Variants in CALN1 observed in about 807,000 individuals in gnomAD.
CALN1 encodes calneuron 1.
In CALN1, 17 loss-of-function variants were observed where a neutral mutation model predicts 30.6. The observed-to-expected ratio is 0.56, with a 90% CI of 0.38 to 0.83. The LOEUF (loss-of-function observed/expected upper bound fraction) is 0.83, where lower values mean the gene tolerates loss of function less well. Among genes scored for constraint, CALN1 ranks in the 40% least tolerant of loss-of-function variants. The probability of loss-of-function intolerance (pLI) is 0.00; values close to 1 mark genes in which losing one functional copy is unlikely to be tolerated. For missense variants in CALN1, 291 were observed against 354.9 expected (o/e 0.82, Z 1.45); for synonymous variants, 156 against 131.4 (o/e 1.19, Z -1.28).
intron 4 of CALN1, among the ~76,000 whole-genome samples, chr7:72,092,304 A>G (rs982628278): frequency 2.0e-5 from 3 of 152,106 alleles, no homozygotes; most frequent in African/African-American, 4.8e-5. Flanking sequence ...GAATGTGCCT[A>G]TATTACTTGT....
chr7:71,860,555 C>T (rs943024432), intron 5 of CALN1, among the ~76,000 whole-genome samples: 1 of 152,120 alleles, frequency 6.6e-6, no homozygotes, highest in Non-Finnish European at 1.5e-5. Flanking sequence ...TATGGACTTG[C>T]CCTGAATTCT....
intron 2 of CALN1, among the ~76,000 whole-genome samples, chr7:72,307,046 G>A (rs544167223): frequency 7.2e-4 from 109 of 152,338 alleles, no homozygotes; most frequent in African/African-American, 2.5e-3. Context: ...CAGCAAATAT[G>A]ATTGAAGACA....
rs552830401 is a variant in CALN1, at chr7:72,408,839, G to C, written c.-74+3219C>G. On this transcript the variant is annotated intron_variant, in intron 1 of 6. Transcript: ENST00000395275. ...ACTACAGGCGGGCACCATCACTCCT[G>C]GCTAATTTTTGTATTTTTTGTAGAG... is the stretch of plus-strand genomic sequence containing the variant. 9.0e-4 allele frequency among the ~76,000 whole-genome samples: 136 copies of C among 151,702 alleles called. 2 individuals carry two copies. The highest frequency in any genetic ancestry group is 6.7e-3 in the South Asian group (32 of 4,780).
chr7:72,204,498 A>G (rs1052211289), intron 3 of CALN1, among the ~76,000 whole-genome samples: 1 of 152,206 alleles, frequency 6.6e-6, no homozygotes, highest in Admixed American at 6.5e-5. Flanking sequence ...TTAACATTAT[A>G]AAAACTATAC....
At chr7:72,397,289 A>C (rs1043614094) in intron 2 of CALN1, among the ~76,000 whole-genome samples, 3 of 152,188 alleles carry the variant, frequency 2.0e-5, no homozygotes, top group Non-Finnish European at 2.9e-5. Context: ...GGAGGATGCC[A>C]GAGAGAGGCA....
chr7:71,945,626 C>T (rs10266751), intron 5 of CALN1, among the ~76,000 whole-genome samples: 7 of 151,640 alleles, frequency 4.6e-5, no homozygotes, highest in Non-Finnish European at 7.4e-5. Context: ...AAACTGCACA[C>T]GCGAGGGATC....
At chr7:72,191,438 G>A (rs1168270000) in intron 3 of CALN1, among the ~76,000 whole-genome samples, 1 of 147,986 alleles carries the variant, frequency 6.8e-6, no homozygotes, top group East Asian at 2.1e-4. Flanking sequence ...CCCGTCTGTA[G>A]TAAAAATACA....
At chr7:71,874,447 C>T (rs1185985400) in intron 5 of CALN1, among the ~76,000 whole-genome samples, 1 of 152,076 alleles carries the variant, frequency 6.6e-6, no homozygotes. Context: ...AGGTCATTTG[C>T]AGCAAAAGCA....
chr7:71,927,098 A>G (rs1007150070), intron 5 of CALN1, among the ~76,000 whole-genome samples: 11 of 152,234 alleles, frequency 7.2e-5, no homozygotes, highest in Non-Finnish European at 1.3e-4. Flanking sequence ...AGAATAAAGT[A>G]AACAGTACTT....
intron 2 of CALN1, among the ~76,000 whole-genome samples, chr7:72,367,478 T>C (rs764100121): frequency 4.6e-5 from 7 of 151,686 alleles, no homozygotes; most frequent in Non-Finnish European, 1.0e-4. Context: ...AATTGAAAAA[T>C]TAACGGTGTG....
rs190965283 is a variant in CALN1 at position 71,878,415 on chromosome 7, A to T, written c.502-67923T>A. ...AGACCCTGTCTCAAAAAAAAAAAAA[A>T]GTATAATGTGGTTTCATAGGAAATG... is the stretch of plus-strand genomic sequence containing the variant. On this transcript the variant is annotated intron_variant, in intron 5 of 6. Transcript: ENST00000395275. Among the ~76,000 whole-genome samples, 52 of 151,802 alleles carry T rather than the reference A, an allele frequency of 3.4e-4. No individual in the cohort carries two copies. In the East Asian group the frequency reaches 8.2e-3, roughly 24 times the overall value.
chr7:72,213,380 G>T (rs1000819195), intron 3 of CALN1, among the ~76,000 whole-genome samples: 2 of 152,102 alleles, frequency 1.3e-5, no homozygotes, highest in Admixed American at 1.3e-4. Context: ...AAACTTTATG[G>T]GTCAGAGAAG....
chr7:72,111,821 G>A (rs367997384), intron 3 of CALN1, among the ~76,000 whole-genome samples: 1 of 151,992 alleles, frequency 6.6e-6, no homozygotes, highest in East Asian at 1.9e-4. Context: ...CATGAGCTCA[G>A]CTCACTGCAA....
chr7:71,843,879 G>T (rs1454270875), intron 5 of CALN1, among the ~76,000 whole-genome samples: 1 of 152,182 alleles, frequency 6.6e-6, no homozygotes, highest in African/African-American at 2.4e-5. Flanking sequence ...CACACAGATG[G>T]CGTTAGAGAT....
chr7:72,120,900 G>A (rs937315209), intron 3 of CALN1, among the ~76,000 whole-genome samples: 1 of 151,974 alleles, frequency 6.6e-6, no homozygotes, highest in Non-Finnish European at 1.5e-5. Context: ...AAAGACACAC[G>A]AGCATCTGAA....
chr7:72,466,235 T>C, the CALN1 span, among the ~76,000 whole-genome samples: 1 of 151,664 alleles, frequency 6.6e-6, no homozygotes, highest in African/African-American at 2.4e-5. Flanking sequence ...TTTCTTGAGA[T>C]GTGTGGTGTG....
chr7:72,282,752 T>G (rs753445774), intron 2 of CALN1, among the ~76,000 whole-genome samples: 1 of 151,964 alleles, frequency 6.6e-6, no homozygotes, highest in Non-Finnish European at 1.5e-5. Flanking sequence ...TAAAGCAGAG[T>G]GGTTTCATGG....
intron 2 of CALN1, among the ~76,000 whole-genome samples, chr7:72,395,101 A>G (rs949879442): frequency 2.6e-5 from 4 of 151,798 alleles, no homozygotes; most frequent in Non-Finnish European, 5.9e-5. Context: ...GTACTAACCT[A>G]CCTCCCCAAG....
intron 3 of CALN1, among the ~76,000 whole-genome samples, chr7:72,123,704 T>G (rs1203242752): frequency 6.6e-6 from 1 of 152,180 alleles, no homozygotes; most frequent in Non-Finnish European, 1.5e-5. Flanking sequence ...TGCTGCATTA[T>G]TTTTCAGTCC....
Sources: allele counts gnomAD v4.1 joint callset (sites outside exome capture counted in the v4.1 genomes callset), GRCh38; gene constraint gnomAD v4.1.1; transcripts MANE v1.5; gene names NCBI Gene and HGNC (gene_info 2026-07-23, HGNC 2026-07-21).